The following GIT2 variants were observed in gnomAD, a reference collection of about 807,000 sequenced individuals.
The protein encoded by GIT2 is ARF GTPase-activating protein GIT2.
A neutral mutation model predicts 100.3 loss-of-function variants in GIT2; 32 were observed. The observed-to-expected ratio is 0.32, with a 90% CI of 0.24 to 0.43. GIT2 has a LOEUF of 0.43. Ranked by LOEUF, GIT2 falls within the 20% of genes least tolerant of loss-of-function variation. GIT2 has a pLI of 1.00. For missense variants in GIT2, 737 were observed against 975.1 expected (o/e 0.76, Z 3.25); for synonymous variants, 353 against 364.1 (o/e 0.97, Z 0.35).
chr12:109,995,529 G>A (rs187189562), intron 1 of GIT2, among the ~76,000 whole-genome samples: 6 of 152,190 alleles, frequency 3.9e-5, no homozygotes, highest in African/African-American at 1.4e-4. Context: ...TCAAGCAAGT[G>A]ACCAAGTGAA....
At chr12:109,951,752 TGA>T (rs1055302480) in intron 13 of GIT2, among the ~76,000 whole-genome samples, 1 of 152,146 alleles carries the variant, frequency 6.6e-6, no homozygotes, top group Non-Finnish European at 1.5e-5. Context: ...TCCAACAGCA[TGA>T]GAGAGTATAT....
chr12:109,943,336 C>CTT (rs60594394), intron 16 of GIT2, among the ~76,000 whole-genome samples: 28 of 148,146 alleles, frequency 1.9e-4, no homozygotes, highest in African/African-American at 5.6e-4. Context: ...GCTCAGGAGA[C>CTT]TTTTTTTTTT....
intron 7 of GIT2, among the ~76,000 whole-genome samples, chr12:109,971,036 G>A (rs921118783): frequency 6.6e-6 from 1 of 152,198 alleles, no homozygotes; most frequent in Admixed American, 6.5e-5. Flanking sequence ...TCCTCCCGCC[G>A]TGGCCTCCCA....
At position 109,984,903 on chromosome 12, in the gene GIT2, A is replaced by T. The variant is rs369288589; in HGVS notation, c.406-1209T>A. 1.6e-4 allele frequency among the ~76,000 whole-genome samples: 25 copies of T among 152,300 alleles called. No individual in the cohort carries two copies. The East Asian group carries it at 4.4e-3, about 27-fold the overall frequency. On this transcript the variant is annotated intron_variant, in intron 4 of 19. Coordinates refer to ENST00000355312, the MANE Select transcript of GIT2 (RefSeq NM_057169.5). ...TAAGCTACAGGATCCTGCCTTATAC[A>T]ATACCCTCTCTACCACATTATTCTT...
At chr12:109,981,267 A>G in intron 6 of GIT2, 1 of 440,882 alleles carries the variant, frequency 2.3e-6, no homozygotes, top group Non-Finnish European at 4.1e-6. Flanking sequence ...TATTAAGGCC[A>G]AAATAGAATA....
At position 109,962,623 on chromosome 12, in the gene GIT2, G is replaced by T. The variant is rs1437074383; in HGVS notation, c.817-938C>A. ...CCAGATGAGGTTAAGCCTCTTCTGG[G>T]GTGGCTCCGCCTCTCTCTGCACTTT... On this transcript the variant is annotated intron_variant, in intron 9 of 19. Coordinates refer to ENST00000355312, the MANE Select transcript of GIT2 (RefSeq NM_057169.5). The surrounding 1 kb of genome is among the most constrained non-coding windows in gnomAD (Gnocchi z 4.3). Among the ~76,000 whole-genome samples the T allele has an allele frequency of 6.6e-6, 1 of 152,158 alleles. No homozygotes were observed. The highest frequency in any genetic ancestry group is 1.5e-5 in the Non-Finnish European group (1 of 67,996).
In GIT2 at chr12:109,988,810, G is replaced by A. The variant is rs140234333; in HGVS notation, c.405+153C>T. Among the ~76,000 whole-genome samples the A allele has an allele frequency of 7.4e-3, 979 of 133,176 alleles. 1 individual carries two copies. The highest frequency in any genetic ancestry group is 9.7e-3 in the Non-Finnish European group (637 of 66,004). 87.4% of individuals were successfully genotyped at this position (133,176 alleles called of 152,430 possible). ...AGAGGCTGCAGGGAGCCAAGATCGC[G>A]CCACTGTACTCCCGCCTGGGTAACA... On this transcript the variant is annotated intron_variant, in intron 4 of 19. Coordinates refer to ENST00000355312, the MANE Select transcript of GIT2 (RefSeq NM_057169.5).
intron 7 of GIT2, among the ~76,000 whole-genome samples, chr12:109,973,798 T>C (rs1884465480): frequency 6.6e-6 from 1 of 151,888 alleles, no homozygotes; most frequent in Non-Finnish European, 1.5e-5. Flanking sequence ...TCCCAGCACT[T>C]TGGGAGGCTG....
chr12:109,945,225 C>T, intron 16 of GIT2, 35 bp downstream of exon 16: 1 of 1,050,450 alleles, frequency 9.5e-7, no homozygotes, highest in Non-Finnish European at 1.5e-6. Context: ...CACGGCCCCT[C>T]CTCCAGAGAG....
At chr12:109,975,475 A>C (rs950507033) in intron 7 of GIT2, among the ~76,000 whole-genome samples, 2 of 152,106 alleles carry the variant, frequency 1.3e-5, no homozygotes, top group Non-Finnish European at 2.9e-5. Flanking sequence ...AGGCTCCCTG[A>C]AGTGTTGGGA....
intron 1 of GIT2, among the ~76,000 whole-genome samples, chr12:109,994,075 C>CAAAAAAAAAAAAAAAAAAAAAAAAAAA (rs34393850): frequency 3.4e-5 from 2 of 59,688 alleles, no homozygotes; most frequent in African/African-American, 5.5e-5. Context: ...ACACTAATGG[C>CAAAAAAAAAAAAAAAAAAAAAAAAAAA]AAAAAAAAAA....
chr12:109,994,187 G>C (rs577274202), intron 1 of GIT2, among the ~76,000 whole-genome samples: 4 of 150,940 alleles, frequency 2.7e-5, no homozygotes, highest in Admixed American at 2.0e-4. Flanking sequence ...TATTAATTAA[G>C]ACAAGTATTC....
intron 13 of GIT2, among the ~76,000 whole-genome samples, chr12:109,951,968 G>A (rs1592998915): frequency 6.6e-6 from 1 of 152,194 alleles, no homozygotes; most frequent in African/African-American, 2.4e-5. Flanking sequence ...GGGAGCAGGT[G>A]TGTGGGATGG....
At chr12:109,954,341 C>T (rs1324170743) in intron 12 of GIT2, 1 of 151,722 alleles carries the variant, frequency 6.6e-6, no homozygotes, top group African/African-American at 2.4e-5. Flanking sequence ...TAGTCAATTA[C>T]CTGCATCTCA....
At chr12:109,946,901 A>C (rs1053099854) in intron 15 of GIT2, among the ~76,000 whole-genome samples, 2 of 152,164 alleles carry the variant, frequency 1.3e-5, no homozygotes, top group African/African-American at 4.8e-5. Context: ...TCCTTCTGAG[A>C]GTGAACTTTA....
At chr12:109,958,408 A>G (rs958674181) in intron 12 of GIT2, among the ~76,000 whole-genome samples, 6 of 151,558 alleles carry the variant, frequency 4.0e-5, no homozygotes, top group African/African-American at 1.2e-4. Context: ...CGCCCAGCTA[A>G]TTTTTTTGTA....
intron 7 of GIT2, among the ~76,000 whole-genome samples, chr12:109,976,121 CAA>C (rs1491304472): frequency 1.5e-5 from 2 of 136,572 alleles, no homozygotes; most frequent in African/African-American, 5.9e-5. Context: ...CACACACACA[CAA>C]ACACACACAC....
In GIT2 at chr12:109,993,462, G is replaced by A. The variant is rs886980251; in HGVS notation, c.53-1702C>T. On this transcript the variant is annotated intron_variant, in intron 1 of 19. Transcript: ENST00000355312. ...AATCCTGGGAGCCAGTGAGTATGGTGGTTAAGAGGGTTGGCTCTAGAGACA... is the reference window on the plus strand; with the variant it reads ...AATCCTGGGAGCCAGTGAGTATGGTAGTTAAGAGGGTTGGCTCTAGAGACA... Among the ~76,000 whole-genome samples the A allele has an allele frequency of 3.9e-5, 6 of 152,224 alleles. No individual in the cohort carries two copies. The East Asian group carries it at 7.7e-4, about 20-fold the overall frequency.
At chr12:109,949,650 T>C (rs1261624172) in intron 14 of GIT2, among the ~76,000 whole-genome samples, 1 of 152,206 alleles carries the variant, frequency 6.6e-6, no homozygotes. Context: ...AGATAATCAA[T>C]AAGCAAAAGC....
Sources: gnomAD v4.1 joint callset for allele counts (sites outside exome capture counted in the v4.1 genomes callset) on GRCh38, gnomAD v4.1.1 for gene constraint, Gnocchi (gnomAD v3.1) non-coding constraint, MANE v1.5 for transcripts, NCBI Gene and HGNC (gene_info 2026-07-23, HGNC 2026-07-21) for gene names.